XRN2: variants seen among roughly 807,000 people sequenced by gnomAD.
The protein encoded by XRN2 is DHM1-like protein.
A neutral mutation model predicts 138.5 loss-of-function variants in XRN2; 44 were observed. The ratio of observed to expected loss-of-function variants is 0.32; its 90% CI spans 0.25 to 0.41. The LOEUF is 0.41. Among genes scored for constraint, XRN2 ranks in the 10% least tolerant of loss-of-function variants. The pLI is 1.00. For missense variants in XRN2, 937 were observed against 1,169.3 expected (o/e 0.80, Z 2.90); for synonymous variants, 354 against 369.4 (o/e 0.96, Z 0.48).
chr20:21,322,490 G>C (rs1164877348), intron 1 of XRN2, among the ~76,000 whole-genome samples: 1 of 152,150 alleles, frequency 6.6e-6, no homozygotes, highest in Non-Finnish European at 1.5e-5. Context: ...ACTTCCATCA[G>C]TGGGATACTC....
In XRN2 at chr20:21,375,829, T is replaced by TTTTATTTA. The variant is rs1555788112; in HGVS notation, c.2585-6145_2585-6138dup. The stretch of plus-strand genomic sequence containing the variant: ...AGGTGTTTTTATTTATTTATTTATT[T>TTTTATTTA]TTTATTTATTTATTTATTTATTTAT... On this transcript the variant is annotated intron_variant, in intron 27 of 29. Coordinates refer to ENST00000377191, the MANE Select transcript of XRN2 (RefSeq NM_012255.5). 1.5e-3 allele frequency among the ~76,000 whole-genome samples: 205 copies of TTTTATTTA among 135,974 alleles called. 2 individuals are homozygous for TTTTATTTA. The highest frequency in any genetic ancestry group is 0.015 in the Middle Eastern group (4 of 266). The allele number at this position is 135,974 out of a possible 152,430, so 89.2% of individuals were successfully genotyped here.
Position 21,303,421 on chromosome 20 carries a change from G to T in XRN2, c.23G>T (p.Arg8Leu). 2.6e-6 allele frequency: 4 copies of T among 1,548,582 alleles called. No individual in the cohort carries two copies. The highest frequency in any genetic ancestry group is 3.5e-6 in the Non-Finnish European group (4 of 1,146,064). Residue 8 changes from arginine (R) to leucine (L), a missense_variant, in exon 1 of 30, where the codon CGC becomes CTC. Arg to Leu is a moderately radical substitution (Grantham distance 102). This residue lies in a region of XRN2 where 32 missense variants were observed against 32.9 expected (regional missense o/e 0.97). Coordinates refer to ENST00000377191, the MANE Select transcript of XRN2 (RefSeq NM_012255.5). ...GCTATGGGAGTCCCGGCGTTCTTCC[G>T]CTGGCTCAGCCGCAAGTACCCGTCC... MGVPAFF[R>L]WLSRKYPSII... is the part of the protein sequence containing the mutation.
intron 27 of XRN2, among the ~76,000 whole-genome samples, chr20:21,375,154 CTTT>C (rs2038806604): frequency 6.8e-6 from 1 of 146,324 alleles, no homozygotes; most frequent in Non-Finnish European, 1.5e-5. Flanking sequence ...AGTCACTCTT[CTTT>C]TCTTGATTAG....
rs376632714 is a variant in XRN2 at position 21,389,314 on chromosome 20, C to G, written c.2829C>G (p.Pro943=). Residue 943 remains proline (P), a synonymous_variant, in exon 30 of 30, where the codon CCC becomes CCG. Coordinates refer to ENST00000377191, the MANE Select transcript of XRN2 (RefSeq NM_012255.5). ...REGRKYPLPP[P]SGRYNWN ...GAAGGAAATACCCTTTGCCACCACC[C>G]TCAGGAAGATACAATTGGAATTAAG... 5 of 1,613,114 alleles carry G rather than the reference C, an allele frequency of 3.1e-6. No individual in the cohort carries two copies. The highest frequency in any genetic ancestry group is 4.2e-6 in the Non-Finnish European group (5 of 1,179,560).
chr20:21,346,336 G>T (rs2038434765), intron 16 of XRN2, 79 bp from the exon 17 acceptor site: 3 of 1,546,388 alleles, frequency 1.9e-6, no homozygotes, highest in Non-Finnish European at 2.7e-6. Flanking sequence ...AATATAAATT[G>T]ATTTGGGGTA....
Position 21,344,328 on chromosome 20 carries a change from A to C in XRN2, c.1529+120A>C. On this transcript the variant is annotated intron_variant, in intron 16 of 29. Coordinates refer to ENST00000377191, the MANE Select transcript of XRN2 (RefSeq NM_012255.5). ...ATGCTTGCCTGTGATCTTTTTATCCATCAGTAATTAATGTGGAGGGTTAGA... is the reference window on the plus strand; with the variant it reads ...ATGCTTGCCTGTGATCTTTTTATCCCTCAGTAATTAATGTGGAGGGTTAGA... The C allele has an allele frequency of 5.6e-6, 4 of 716,048 alleles. No individual in the cohort carries two copies. In the South Asian group the frequency reaches 7.0e-5, roughly 12 times the overall value. 44.4% of individuals were successfully genotyped at this position (716,048 alleles called of 1,614,324 possible).
At chr20:21,349,609 G>A (rs1568585030) in intron 20 of XRN2, 148 bp downstream of exon 20, 1 of 662,526 alleles carries the variant, frequency 1.5e-6, no homozygotes. Flanking sequence ...CTGGCGTGGT[G>A]GCTTGCACCT....
intron 23 of XRN2, among the ~76,000 whole-genome samples, chr20:21,357,196 A>C (rs1182165090): frequency 1.3e-5 from 2 of 152,218 alleles, no homozygotes; most frequent in Non-Finnish European, 2.9e-5. Flanking sequence ...AAATGTTCAT[A>C]AATATAACCA....
chr20:21,312,359 C>T (rs1350483336), intron 1 of XRN2, among the ~76,000 whole-genome samples: 2 of 152,072 alleles, frequency 1.3e-5, no homozygotes, highest in Non-Finnish European at 2.9e-5. Flanking sequence ...CTCCTGACTT[C>T]CTGGAATTAC....
rs377201415 is a variant in XRN2, at chr20:21,339,041, T to C, written c.1234-3T>C. ...ACAGAATATGTGGATTTTATACTTT[T>C]AGGACAGTTTTAGAAGACGACAGAA... On this transcript the variant is annotated splice_region_variant and splice_polypyrimidine_tract_variant and intron_variant, in intron 13 of 29. Coordinates refer to ENST00000377191, the MANE Select transcript of XRN2 (RefSeq NM_012255.5). 9.0e-5 allele frequency: 145 copies of C among 1,603,546 alleles called. No homozygotes were observed. Among genetic ancestry groups the C allele is most frequent in the Non-Finnish European group, 1.2e-4 (140 of 1,173,168 alleles).
chr20:21,325,466 A>T (rs953771783), intron 1 of XRN2, among the ~76,000 whole-genome samples: 2 of 152,216 alleles, frequency 1.3e-5, no homozygotes, highest in Non-Finnish European at 2.9e-5. Context: ...ATTCAGAAGG[A>T]ACAATTTCTT....
rs2038361059 is a variant in XRN2 at position 21,340,753 on chromosome 20, A to G, written c.1311A>G (p.Ile437Met). The G allele has an allele frequency of 6.2e-7, 1 of 1,613,958 alleles. No individual in the cohort carries two copies. Among genetic ancestry groups the G allele is most frequent in the Non-Finnish European group, 8.5e-7 (1 of 1,179,884 alleles). The change falls in exon 15 of 30, where the codon ATA becomes ATG. Residue 437 changes from isoleucine (I) to methionine (M), a missense_variant. Physicochemically the swap from Ile to Met is conservative, Grantham distance 10 (BLOSUM62 1). Transcript: ENST00000377191. ...RDQPAFTPSGILTPHALGSRN... is the reference protein window; with the variant it reads ...RDQPAFTPSGMLTPHALGSRN... ...AACCAGCTTTCACTCCTAGTGGAAT[A>G]TTAACTCCTCATGCCTTGGGTTCAA...
In XRN2 at chr20:21,334,141, G is replaced by A; in HGVS notation, c.1189G>A (p.Gly397Ser). 1 of 1,613,882 alleles carries A rather than the reference G, an allele frequency of 6.2e-7. No individual in the cohort carries two copies. Among genetic ancestry groups the A allele is most frequent in the Non-Finnish European group, 8.5e-7 (1 of 1,179,918 alleles). The change falls in exon 13 of 30, where the codon GGT becomes AGT. Residue 397 changes from glycine to serine, a missense_variant. Gly to Ser is a moderately conservative substitution (Grantham distance 56). Transcript: ENST00000377191. ...AGTACAGATGATCATGTTAGCAGTTGGTGAAGTTGAGGATAGCATTTTTAA... is the reference window on the plus strand; with the variant it reads ...AGTACAGATGATCATGTTAGCAGTTAGTGAAGTTGAGGATAGCATTTTTAA... The part of the protein sequence containing the change: ...QRVQMIMLAV[G>S]EVEDSIFKKR...
rs1399437823 is a variant in XRN2 at position 21,315,078 on chromosome 20, T to TA, written c.76-11195dup. Among the ~76,000 whole-genome samples, 9 of 152,270 alleles carry TA rather than the reference T, an allele frequency of 5.9e-5. No individual in the cohort carries two copies. In the East Asian group the frequency reaches 1.5e-3, roughly 26 times the overall value. On this transcript the variant is annotated intron_variant, in intron 1 of 29. Transcript: ENST00000377191. The stretch of plus-strand genomic sequence containing the variant: ...TATGTGACACACTGAGCTAATGCTT[T>TA]AAAAAATGTCCTGCTTCCAGGGGTG...
chr20:21,325,098 C>G (rs992778414), intron 1 of XRN2, among the ~76,000 whole-genome samples: 7 of 152,158 alleles, frequency 4.6e-5, no homozygotes, highest in African/African-American at 1.7e-4. Context: ...TCATGACTGG[C>G]TTCTTTCACT....
intron 15 of XRN2, 28 bp downstream of exon 15, chr20:21,340,880 T>A (rs933887263): frequency 3.3e-5 from 53 of 1,612,986 alleles, no homozygotes; most frequent in Non-Finnish European, 4.3e-5. Context: ...ATGTGACATT[T>A]AAGAGTGGTG....
At chr20:21,310,295 T>A (rs1035808721) in intron 1 of XRN2, among the ~76,000 whole-genome samples, 1 of 152,212 alleles carries the variant, frequency 6.6e-6, no homozygotes, top group Admixed American at 6.5e-5. Context: ...TTATCAGAGA[T>A]CATATTTAAT....
Position 21,336,350 on chromosome 20 carries a change from C to T in XRN2, c.1233+2165C>T, listed in dbSNP as rs150622213. Among the ~76,000 whole-genome samples the T allele has an allele frequency of 5.4e-3, 823 of 151,960 alleles. 8 individuals carry two copies. Among genetic ancestry groups the T allele is most frequent in the African/African-American group, 0.019 (780 of 41,436 alleles). ...GGTGGTGGGCGCCTATAATCCCAGC[C>T]GCTTGGGAGGCTGAGGCAGGAGAAT... is the stretch of plus-strand genomic sequence containing the variant. On this transcript the variant is annotated intron_variant, in intron 13 of 29. Coordinates refer to ENST00000377191, the MANE Select transcript of XRN2 (RefSeq NM_012255.5).
At chr20:21,377,264 C>CTGTTTTTTTTTTTTTTTTTTTTTT (rs2038833636) in intron 27 of XRN2, among the ~76,000 whole-genome samples, 1 of 82,782 alleles carries the variant, frequency 1.2e-5, no homozygotes, top group Non-Finnish European at 2.1e-5. Context: ...TCGGTTTTTT[C>CTGTTTTTTTTTTTTTTTTTTTTTT]TTTTTTTTTT....
Sources: gnomAD v4.1 joint callset for allele counts (sites outside exome capture counted in the v4.1 genomes callset) on GRCh38, gnomAD v4.1.1 for gene constraint, gnomAD v4.1.1 regional missense constraint, MANE v1.5 for transcripts, NCBI Gene and HGNC (gene_info 2026-07-23, HGNC 2026-07-21) for gene names.